VPS41: variants seen among roughly 807,000 people sequenced by gnomAD.
VPS41 encodes vacuolar protein sorting-associated protein 41 homolog.
In VPS41, 85 loss-of-function variants were observed where a neutral mutation model predicts 130.9. The ratio of observed to expected loss-of-function variants is 0.65; its 90% CI spans 0.55 to 0.78. VPS41 has a LOEUF of 0.78. Ranked by LOEUF, VPS41 falls within the 30% of genes least tolerant of loss-of-function variation. The pLI is 0.00. For synonymous variants in VPS41, 335 were observed against 332.9 expected (o/e 1.01, Z -0.07); for missense variants, 874 against 1,018.7 (o/e 0.86, Z 1.93).
chr7:38,871,490 C>T (rs937149795), intron 2 of VPS41, among the ~76,000 whole-genome samples: 1 of 152,170 alleles, frequency 6.6e-6, no homozygotes, highest in East Asian at 1.9e-4. Flanking sequence ...ACAAACCCTA[C>T]TGAGAGTTAA....
intron 10 of VPS41, among the ~76,000 whole-genome samples, chr7:38,785,647 CA>C (rs544775831): frequency 1.3e-3 from 201 of 152,316 alleles, no homozygotes; most frequent in Non-Finnish European, 2.4e-3. Flanking sequence ...CTGCTAATCA[CA>C]AGGTTCAAAC....
intron 12 of VPS41, among the ~76,000 whole-genome samples, 172 bp downstream of exon 12, chr7:38,773,943 G>A (rs1219509057): frequency 6.6e-6 from 1 of 152,152 alleles, no homozygotes; most frequent in Non-Finnish European, 1.5e-5. Flanking sequence ...GCTTATGCAA[G>A]TTTTGCAACA....
chr7:38,808,805 A>G (rs1784885261), intron 7 of VPS41, among the ~76,000 whole-genome samples: 1 of 152,178 alleles, frequency 6.6e-6, no homozygotes, highest in Non-Finnish European at 1.5e-5. Context: ...TCTGACCCAA[A>G]GATGAACAAA....
At chr7:38,868,119 G>A (rs769497052) in intron 3 of VPS41, among the ~76,000 whole-genome samples, 3 of 152,110 alleles carry the variant, frequency 2.0e-5, no homozygotes, top group Non-Finnish European at 2.9e-5. Context: ...TTATCAATGG[G>A]GAGATGAAAC....
intron 2 of VPS41, among the ~76,000 whole-genome samples, chr7:38,879,209 T>C (rs1034036186): frequency 1.3e-5 from 2 of 152,154 alleles, no homozygotes; most frequent in Non-Finnish European, 2.9e-5. Context: ...ACAGTAAGGA[T>C]GAGGGTCAAG....
At chr7:38,796,373 T>G in intron 8 of VPS41, 1 of 427,524 alleles carries the variant, frequency 2.3e-6, no homozygotes, top group Non-Finnish European at 4.6e-6. Flanking sequence ...AAAAGAGAAA[T>G]CAGCAATATT....
rs745811440 is a variant in VPS41 at position 38,726,961 on chromosome 7, A to G, written c.2432T>C (p.Val811Ala). 1.9e-6 allele frequency: 3 copies of G among 1,590,562 alleles called. No homozygotes were observed. Among genetic ancestry groups the G allele is most frequent in the Non-Finnish European group, 2.6e-6 (3 of 1,168,332 alleles). ...SDAAKPFSVV[V>A]FHCRHMFHKE... ...GTGGAACATGTGCCGGCAATGGAAG[A>G]CCACCACGCTGAAGGGCTTAGCTGC... The change falls in exon 28 of 29, where the codon GTC becomes GCC. Residue 811 changes from valine to alanine, a missense_variant. Transcript: ENST00000310301.
intron 2 of VPS41, among the ~76,000 whole-genome samples, chr7:38,896,209 C>T (rs1786987865): frequency 6.6e-6 from 1 of 152,200 alleles, no homozygotes; most frequent in South Asian, 2.1e-4. Context: ...CAACAGAGTT[C>T]CAGCACTGTC....
At chr7:38,760,367 G>T (rs1475216448) in intron 17 of VPS41, among the ~76,000 whole-genome samples, 1 of 152,144 alleles carries the variant, frequency 6.6e-6, no homozygotes, top group African/African-American at 2.4e-5. Flanking sequence ...CCTTCCTTTT[G>T]TTCCCAAACA....
intron 4 of VPS41, among the ~76,000 whole-genome samples, chr7:38,834,923 A>C (rs1426919014): frequency 6.6e-6 from 1 of 151,974 alleles, no homozygotes; most frequent in African/African-American, 2.4e-5. Context: ...TTGTTCGTTC[A>C]CTGTTTTAAT....
chr7:38,736,176 A>G (rs1378782645), intron 25 of VPS41, among the ~76,000 whole-genome samples: 1 of 152,242 alleles, frequency 6.6e-6, no homozygotes, highest in Non-Finnish European at 1.5e-5. Context: ...GAAACAAAAG[A>G]TATTTTAGAG....
chr7:38,808,980 C>T (rs1035622276), intron 7 of VPS41, among the ~76,000 whole-genome samples: 11 of 152,078 alleles, frequency 7.2e-5, no homozygotes, highest in Admixed American at 3.9e-4. Context: ...TGAATAAATT[C>T]GGGGATCTAA....
At chr7:38,832,606 C>T (rs1785413095) in intron 4 of VPS41, among the ~76,000 whole-genome samples, 1 of 152,066 alleles carries the variant, frequency 6.6e-6, no homozygotes, top group African/African-American at 2.4e-5. Context: ...AAGTCTCAGT[C>T]ACAACTTTTC....
intron 12 of VPS41, among the ~76,000 whole-genome samples, chr7:38,773,206 T>A (rs1186276772): frequency 6.6e-6 from 1 of 152,210 alleles, no homozygotes; most frequent in East Asian, 1.9e-4. Flanking sequence ...TTCAGCATGT[T>A]GTGCACAATG....
chr7:38,829,553 A>G (rs1310605869), intron 5 of VPS41, among the ~76,000 whole-genome samples: 1 of 152,198 alleles, frequency 6.6e-6, no homozygotes, highest in Non-Finnish European at 1.5e-5. Context: ...CCAACATTAG[A>G]AAAGATTTCC....
chr7:38,857,529 T>G (rs1390797910), intron 4 of VPS41, among the ~76,000 whole-genome samples: 3 of 152,226 alleles, frequency 2.0e-5, no homozygotes, highest in South Asian at 2.1e-4. Flanking sequence ...CACAATAATT[T>G]GATCACTGCT....
At chr7:38,776,245 C>A (rs1486128474) in intron 11 of VPS41, among the ~76,000 whole-genome samples, 1 of 152,190 alleles carries the variant, frequency 6.6e-6, no homozygotes, top group Non-Finnish European at 1.5e-5. Flanking sequence ...CACCAGCCCA[C>A]TAGGAAGTAA....
At chr7:38,799,468 A>C (rs1784683944) in intron 7 of VPS41, among the ~76,000 whole-genome samples, 1 of 152,172 alleles carries the variant, frequency 6.6e-6, no homozygotes, top group African/African-American at 2.4e-5. Context: ...TTGTAAAAAA[A>C]AGGAAAATCT....
chr7:38,800,624 G>A (rs1037857831), intron 7 of VPS41, among the ~76,000 whole-genome samples: 3 of 151,982 alleles, frequency 2.0e-5, no homozygotes, highest in African/African-American at 7.2e-5. Flanking sequence ...ACCTGAGGTC[G>A]GGAGTTTGAG....
Sources: allele counts gnomAD v4.1 joint callset (sites outside exome capture counted in the v4.1 genomes callset), GRCh38; gene constraint gnomAD v4.1.1; transcripts MANE v1.5; gene names NCBI Gene and HGNC (gene_info 2026-07-23, HGNC 2026-07-21).